GLI2: variants seen among roughly 807,000 people sequenced by gnomAD.
GLI2 encodes transcription activator GLI2.
In GLI2, 22 loss-of-function variants were observed where a neutral mutation model predicts 78.9. The observed-to-expected ratio is 0.28, with a 90% confidence interval of 0.20 to 0.40. The LOEUF is 0.40. Ranked by LOEUF, GLI2 falls within the 10% of genes least tolerant of loss-of-function variation. The pLI is 1.00. For synonymous variants in GLI2, 974 were observed against 963.7 expected (o/e 1.01, Z -0.20); for missense variants, 2,097 against 2,213.2 (o/e 0.95, Z 1.05).
chr2:120,863,493 T>C (rs1417785331), intron 2 of GLI2, among the ~76,000 whole-genome samples: 1 of 152,228 alleles, frequency 6.6e-6, no homozygotes, highest in African/African-American at 2.4e-5. Flanking sequence ...GAACACACAG[T>C]TCTTTATTCT....
chr2:120,968,116 A>G (rs1335136158), intron 5 of GLI2, among the ~76,000 whole-genome samples: 1 of 152,208 alleles, frequency 6.6e-6, no homozygotes, highest in Non-Finnish European at 1.5e-5. Context: ...CACACACAAT[A>G]GCATGGAGAA....
intron 4 of GLI2, among the ~76,000 whole-genome samples, chr2:120,952,589 C>T (rs1265903797): frequency 1.3e-5 from 2 of 152,216 alleles, no homozygotes; most frequent in Non-Finnish European, 2.9e-5. Flanking sequence ...GCCTGGTCCT[C>T]ACAAAAGAGA....
intron 3 of GLI2, among the ~76,000 whole-genome samples, chr2:120,938,030 C>T (rs1446592925): frequency 6.6e-6 from 1 of 152,210 alleles, no homozygotes; most frequent in Non-Finnish European, 1.5e-5. Flanking sequence ...TTATTCCCGC[C>T]CATGGCTTTA....
At position 120,989,856 on chromosome 2, in the gene GLI2, A is replaced by T. The variant is rs895080339; in HGVS notation, c.3891A>T (p.Pro1297=). ...ATTCAGCCCTGGCTGGAGTGCCACCACCTCACCCAGTCCAGAGCTACCCAC... is the reference window on the plus strand; with the variant it reads ...ATTCAGCCCTGGCTGGAGTGCCACCTCCTCACCCAGTCCAGAGCTACCCAC... ...VPDSALAGVP[P]PHPVQSYPQQ... The change falls in exon 14 of 14, where the codon CCA becomes CCT. Residue 1297 remains proline (P), a synonymous_variant. Transcript: ENST00000361492. The T allele has an allele frequency of 6.2e-7, 1 of 1,612,762 alleles. No homozygotes were observed. Among genetic ancestry groups the T allele is most frequent in the Non-Finnish European group, 8.5e-7 (1 of 1,179,774 alleles).
chr2:120,930,407 C>T (rs1279024545), intron 3 of GLI2, among the ~76,000 whole-genome samples: 2 of 152,244 alleles, frequency 1.3e-5, no homozygotes, highest in African/African-American at 4.8e-5. Context: ...AACCCTATGG[C>T]TCACCCACTT....
At chr2:120,873,152 G>A (rs1452565681) in intron 2 of GLI2, among the ~76,000 whole-genome samples, 1 of 152,130 alleles carries the variant, frequency 6.6e-6, no homozygotes, top group East Asian at 1.9e-4. Flanking sequence ...CATTACTGAT[G>A]CCTTTCCGTT....
At chr2:120,789,376 G>A (rs763415518) in intron 1 of GLI2, among the ~76,000 whole-genome samples, 1 of 151,932 alleles carries the variant, frequency 6.6e-6, no homozygotes, top group Non-Finnish European at 1.5e-5. Flanking sequence ...GCCTTAGAGT[G>A]TGCCAAGGGC....
At position 120,991,862 on chromosome 2, in the gene GLI2, T is replaced by C. The variant is rs947859289; in HGVS notation, c.*1187T>C. ...GGTTGGGGGTGGAAAGGGGAAGGGG[T>C]TGATCCTCAGGACTCTGAGGGAGCA... On this transcript the variant is annotated 3_prime_UTR_variant, in exon 14 of 14. Coordinates refer to ENST00000361492, the MANE Select transcript of GLI2 (RefSeq NM_001374353.1). 6.6e-6 allele frequency: 1 copy of C among 151,850 alleles called. No homozygotes were observed. The highest frequency in any genetic ancestry group is 2.4e-5 in the African/African-American group (1 of 41,254). The allele number at this position is 151,850 out of a possible 1,614,324, so 9.4% of individuals were successfully genotyped here.
chr2:120,752,269 ATTT>A (rs192674460), intron 1 of GLI2, among the ~76,000 whole-genome samples: 1 of 129,946 alleles, frequency 7.7e-6, no homozygotes, highest in Non-Finnish European at 1.6e-5. Context: ...CCTATCTTTA[ATTT>A]TTTTTTTTTT....
chr2:120,980,938 T>C (rs1431648310), intron 10 of GLI2, among the ~76,000 whole-genome samples: 1 of 152,020 alleles, frequency 6.6e-6, no homozygotes, highest in Non-Finnish European at 1.5e-5. Context: ...TAGAGTGCAA[T>C]AGTGCCATCT....
At chr2:120,781,767 TG>T in intron 1 of GLI2, among the ~76,000 whole-genome samples, 1 of 151,862 alleles carries the variant, frequency 6.6e-6, no homozygotes, top group East Asian at 1.9e-4. Context: ...CCTGTAGTCC[TG>T]GCTACTCGGG....
intron 2 of GLI2, among the ~76,000 whole-genome samples, chr2:120,847,948 C>T (rs780516463): frequency 2.0e-5 from 3 of 152,302 alleles, no homozygotes; most frequent in Middle Eastern, 3.4e-3. Flanking sequence ...TCACTGTCCC[C>T]ACATGGTACT....
chr2:120,834,319 GC>G (rs1686504412), intron 2 of GLI2, among the ~76,000 whole-genome samples: 1 of 152,196 alleles, frequency 6.6e-6, no homozygotes, highest in East Asian at 1.9e-4. Context: ...TTGTGGAAGG[GC>G]TGGCAAGGCA....
At chr2:120,819,657 A>G (rs1401361765) in intron 2 of GLI2, among the ~76,000 whole-genome samples, 3 of 152,178 alleles carry the variant, frequency 2.0e-5, no homozygotes. Flanking sequence ...GTTCTCAAGA[A>G]CCAGAAATCT....
chr2:120,903,556 C>G (rs2104789366), intron 2 of GLI2, among the ~76,000 whole-genome samples: 2 of 152,318 alleles, frequency 1.3e-5, no homozygotes, highest in Non-Finnish European at 2.9e-5. Context: ...TTGGCATAAC[C>G]ACAGGCAGGT....
At position 120,968,860 on chromosome 2, in the gene GLI2, C is replaced by T. The variant is rs876661324; in HGVS notation, c.790C>T (p.Arg264Ter). Reference protein sequence around the residue: ...NSLVAYINNSRSSSAASGSYG... With the variant: ...NSLVAYINNS Reference sequence around the variant, plus strand: ...GCTAGTGGCCTACATCAACAACTCCCGAAGCAGCTCGGCGGCCAGCGGTTC... The same window carrying T: ...GCTAGTGGCCTACATCAACAACTCCTGAAGCAGCTCGGCGGCCAGCGGTTC... Residue 264 changes from arginine to a stop codon, truncating the protein, a stop_gained, in exon 6 of 14, where the codon CGA (arginine) becomes TGA (stop). Transcript: ENST00000361492. LOFTEE classifies it high-confidence loss of function. 2 of 1,613,772 alleles carry T rather than the reference C, an allele frequency of 1.2e-6. No individual in the cohort carries two copies. The highest frequency in any genetic ancestry group is 1.7e-6 in the Non-Finnish European group (2 of 1,179,982).
intron 2 of GLI2, among the ~76,000 whole-genome samples, chr2:120,904,266 G>A (rs892813102): frequency 6.6e-6 from 1 of 152,172 alleles, no homozygotes; most frequent in African/African-American, 2.4e-5. Flanking sequence ...AGTTACTGTA[G>A]GTAAAATCAT....
chr2:120,764,276 C>A (rs1683303674), intron 1 of GLI2, among the ~76,000 whole-genome samples: 1 of 152,226 alleles, frequency 6.6e-6, no homozygotes, highest in African/African-American at 2.4e-5. Flanking sequence ...AGGGAGGTTA[C>A]AGGATCTCAA....
chr2:120,813,889 T>C lies in GLI2; in HGVS notation c.148+16421T>C, dbSNP rs572401046. On this transcript the variant is annotated intron_variant, in intron 2 of 13. Transcript: ENST00000361492. ...CTTATGGTGTCTTAGTTATCATTCT[T>C]AGAAGCAGGCTCTTAAGAGAAGGAT... Among the ~76,000 whole-genome samples the C allele has an allele frequency of 8.6e-4, 131 of 152,336 alleles. 4 individuals are homozygous for C. The South Asian group carries it at 0.026, about 30-fold the overall frequency.
Sources: allele counts gnomAD v4.1 joint callset (sites outside exome capture counted in the v4.1 genomes callset), GRCh38; gene constraint gnomAD v4.1.1; transcripts MANE v1.5; gene names NCBI Gene and HGNC (gene_info 2026-07-23, HGNC 2026-07-21).